The following LIPE variants were observed in gnomAD, a reference collection of about 807,000 sequenced individuals.
LIPE encodes the protein lipase E, hormone sensitive type.
A neutral mutation model predicts 88.5 loss-of-function variants in LIPE; 66 were observed. The observed-to-expected ratio is 0.75, with a 90% CI of 0.61 to 0.91. LIPE has a LOEUF of 0.91. Ranked by LOEUF, LIPE falls within the 40% of genes least tolerant of loss-of-function variation. The pLI is 0.00. For synonymous variants in LIPE, 570 were observed against 617.5 expected, an observed-to-expected ratio of 0.92 and a Z score of 1.14; for missense variants, 1,346 against 1,434.7, an observed-to-expected ratio of 0.94 and a Z score of 1.00.
intron 1 of LIPE, chr19:42,423,605 G>A (rs1171213187): frequency 8.3e-7 from 1 of 1,202,446 alleles, no homozygotes; most frequent in Non-Finnish European, 1.1e-6. Flanking sequence ...GCCAATCCTC[G>A]CTACACACTA....
At chr19:42,424,673 GGACCAGGGCCTCACA>G in intron 1 of LIPE, 1 of 456,006 alleles carries the variant, frequency 2.2e-6, no homozygotes, top group South Asian at 1.5e-5. Flanking sequence ...CCTGCCCTCT[GGACCAGGGCCTCACA>G]GATACCCTCA....
Position 42,405,570 on chromosome 19 carries a change from T to A in LIPE, c.2366-9A>T. 7 of 1,605,854 alleles carry A rather than the reference T, an allele frequency of 4.4e-6. No homozygotes were observed. Among genetic ancestry groups the A allele is most frequent in the Non-Finnish European group, 6.0e-6 (7 of 1,173,842 alleles). On this transcript the variant is annotated splice_polypyrimidine_tract_variant and intron_variant, in intron 7 of 9. Coordinates refer to ENST00000244289, the MANE Select transcript of LIPE (RefSeq NM_005357.4). ...GTCCTCCGTCTTTGCACCTGCAGAATATATGTGGGTAGCTGAGTTGTTTTC... is the reference window on the plus strand; with the variant it reads ...GTCCTCCGTCTTTGCACCTGCAGAAAATATGTGGGTAGCTGAGTTGTTTTC...
At chr19:42,423,617 T>C (rs949976515) in intron 1 of LIPE, 15 of 1,189,234 alleles carry the variant, frequency 1.3e-5, no homozygotes, top group African/African-American at 1.6e-5. Flanking sequence ...TACACACTAC[T>C]GTCGGGCCCC....
intron 1 of LIPE, among the ~76,000 whole-genome samples, chr19:42,425,355 C>T (rs2040688712): frequency 6.6e-6 from 1 of 152,168 alleles, no homozygotes; most frequent in South Asian, 2.1e-4. Context: ...AGTGCCTTCC[C>T]ACTCTGGGAT....
Position 42,410,929 on chromosome 19 carries a change from ACTC to A in LIPE, c.884-90_884-88del, listed in dbSNP as rs1463006320. 3.1e-6 allele frequency: 4 copies of A among 1,285,120 alleles called. No individual in the cohort carries two copies. Among genetic ancestry groups the A allele is most frequent in the Non-Finnish European group, 4.2e-6 (4 of 945,168 alleles). 79.6% of individuals were successfully genotyped at this position (1,285,120 alleles called of 1,614,324 possible). ...CAGGAGTCTGGGCCATAGCTTACCC[ACTC>A]CTCCTTCAAACCTCAGTGCTGTCTT... On this transcript the variant is annotated intron_variant, in intron 1 of 9. Transcript: ENST00000244289. The surrounding 1 kb of genome is among the most constrained non-coding windows in gnomAD (Gnocchi z 6.1).
At position 42,402,765 on chromosome 19, in the gene LIPE, C is replaced by T. The variant is rs1319569762; in HGVS notation, c.2809G>A (p.Val937Ile). The T allele has an allele frequency of 2.5e-6, 4 of 1,589,110 alleles. No homozygotes were observed. The highest frequency in any genetic ancestry group is 2.3e-5 in the East Asian group (1 of 44,328). ...AAACCCTCGGGGAAGGCGGCACGGA[C>T]GCCCAGGCCTCTGTCCATGGGGCTC... ...ELSPMDRGLG[V>I]RAAFPEGFHP... Residue 937 changes from valine (V) to isoleucine (I), a missense_variant, in exon 9 of 10, where the codon GTC becomes ATC. Coordinates refer to ENST00000244289, the MANE Select transcript of LIPE (RefSeq NM_005357.4).
At chr19:42,423,819 G>C (rs1223201756) in intron 1 of LIPE, 8 of 1,118,964 alleles carry the variant, frequency 7.1e-6, no homozygotes, top group Admixed American at 4.9e-5. Flanking sequence ...CTTCGGGCAG[G>C]ACTAGTGCGG....
chr19:42,415,766 C>T (rs536557749), intron 1 of LIPE, among the ~76,000 whole-genome samples: 87 of 149,992 alleles, frequency 5.8e-4, no homozygotes, highest in African/African-American at 2.0e-3. Context: ...GCCGAGATCG[C>T]GCCACTGCAC....
chr19:42,410,357 A>G lies in LIPE; in HGVS notation c.1369T>C (p.Tyr457His), dbSNP rs2040334831. Reference sequence around the variant, plus strand: ...AAGCATCCCTTATGCAGCGTGACATACTCCCGGAGGAAGTCGGCGGTGAGC... The same window carrying G: ...AAGCATCCCTTATGCAGCGTGACATGCTCCCGGAGGAAGTCGGCGGTGAGC... ...EGLTADFLRE[Y>H]VTLHKGCFYG... The change falls in exon 2 of 10, where the codon TAT (tyrosine) becomes CAT (histidine). Residue 457 changes from tyrosine to histidine, a missense_variant. Coordinates refer to ENST00000244289, the MANE Select transcript of LIPE (RefSeq NM_005357.4). This position sits in a 1 kb window ranked among gnomAD's most constrained non-coding sequence, Gnocchi z 6.1. The G allele has an allele frequency of 6.2e-7, 1 of 1,613,188 alleles. No homozygotes were observed. Among genetic ancestry groups the G allele is most frequent in the South Asian group, 1.1e-5 (1 of 90,950 alleles).
At chr19:42,422,352 G>A (rs918062242) in intron 1 of LIPE, among the ~76,000 whole-genome samples, 2 of 152,194 alleles carry the variant, frequency 1.3e-5, no homozygotes, top group African/African-American at 4.8e-5. Flanking sequence ...CCGGATCTCC[G>A]ACGCCCACGT....
Position 42,407,588 on chromosome 19 carries a change from C to G in LIPE, c.1842+18G>C, listed in dbSNP as rs762684755. ...TCCTCGGCTCTGTCCCTGTCCCTGG[C>G]TGAGGCTGGAACCCTACCTGTCCTT... On this transcript the variant is annotated intron_variant, in intron 5 of 9. Coordinates refer to ENST00000244289, the MANE Select transcript of LIPE (RefSeq NM_005357.4). This position sits in a 1 kb window ranked among gnomAD's most constrained non-coding sequence, Gnocchi z 5.8. 25 of 1,595,424 alleles carry G rather than the reference C, an allele frequency of 1.6e-5. No individual in the cohort carries two copies. The highest frequency in any genetic ancestry group is 2.1e-5 in the Non-Finnish European group (25 of 1,169,654).
In LIPE at chr19:42,407,495, T is replaced by C. The variant is rs377076814; in HGVS notation, c.1843-27A>G. ...TGGGGGTGAGGAGGGAGACGGTGTG[T>C]GAGGTTGGGGAGAGCTGGCCAGGGC... On this transcript the variant is annotated intron_variant, in intron 5 of 9. Coordinates refer to ENST00000244289, the MANE Select transcript of LIPE (RefSeq NM_005357.4). The surrounding 1 kb of genome is among the most constrained non-coding windows in gnomAD (Gnocchi z 5.8). 22 of 1,598,102 alleles carry C rather than the reference T, an allele frequency of 1.4e-5. No individual in the cohort carries two copies. In the African/African-American group the frequency reaches 1.9e-4, roughly 14 times the overall value.
chr19:42,415,592 C>T (rs1055190150), intron 1 of LIPE, among the ~76,000 whole-genome samples: 7 of 152,278 alleles, frequency 4.6e-5, no homozygotes, highest in East Asian at 1.9e-4. Flanking sequence ...GGGCGGATCA[C>T]GAAGTCAGGA....
intron 1 of LIPE, among the ~76,000 whole-genome samples, chr19:42,417,954 G>A (rs1017668359): frequency 4.0e-5 from 6 of 151,374 alleles, no homozygotes; most frequent in African/African-American, 1.5e-4. Context: ...GGCTGATAGA[G>A]CACCAGCAGG....
Position 42,408,272 on chromosome 19 carries a change from C to T in LIPE, c.1470G>A (p.Val490=). 6.2e-7 allele frequency: 1 copy of T among 1,614,096 alleles called. No individual in the cohort carries two copies. Among genetic ancestry groups the T allele is most frequent in the East Asian group, 2.2e-5 (1 of 44,866 alleles). ...TGCGTTTGTAGTGCTCCCCGAAGGA[C>T]ACCAGCCCAATGGAGATGGTCTGCA... ...PFLQTISIGL[V]SFGEHYKRNE... Residue 490 remains valine, a synonymous_variant, in exon 3 of 10, where the codon GTG becomes GTA. Transcript: ENST00000244289. The surrounding 1 kb of genome is among the most constrained non-coding windows in gnomAD (Gnocchi z 4.3).
At position 42,402,694 on chromosome 19, in the gene LIPE, G is replaced by A. The variant is rs140658352; in HGVS notation, c.2880C>T (p.Tyr960=). The A allele has an allele frequency of 1.2e-3, 1,884 of 1,531,518 alleles. 2 individuals carry two copies. Among genetic ancestry groups the A allele is most frequent in the Non-Finnish European group, 1.5e-3 (1,749 of 1,136,054 alleles). The allele number at this position is 1,531,518 out of a possible 1,614,324, so 94.9% of individuals were successfully genotyped here. Residue 960 remains tyrosine, a synonymous_variant, in exon 9 of 10, where the codon TAC becomes TAT. Transcript: ENST00000244289. The part of the protein sequence containing the change: ...SSQGATQMPL[Y]SSPIVKNPFM... ...AGGGGTTCTTGACTATGGGTGAGGAGTAGAGGGGCATCTGTGTGGCACCCT... is the reference window on the plus strand; with the variant it reads ...AGGGGTTCTTGACTATGGGTGAGGAATAGAGGGGCATCTGTGTGGCACCCT...
chr19:42,408,006 G>A lies in LIPE; in HGVS notation c.1626C>T (p.Phe542=), dbSNP rs113931918. 8.0e-4 allele frequency: 1,290 copies of A among 1,613,640 alleles called. 16 individuals carry two copies. In the African/African-American group the frequency reaches 0.015, roughly 19 times the overall value. Residue 542 remains phenylalanine, a synonymous_variant, in exon 4 of 10, where the codon TTC becomes TTT. Transcript: ENST00000244289. The surrounding 1 kb of genome is among the most constrained non-coding windows in gnomAD (Gnocchi z 4.3). The part of the protein sequence containing the change: ...QNLDVHFWKA[F]WNITEMEVLS... ...GCACTTCCATCTCGGTGATGTTCCAGAAGGCTTTCCAGAAGTGCACGTCCA... is the reference window on the plus strand; with the variant it reads ...GCACTTCCATCTCGGTGATGTTCCAAAAGGCTTTCCAGAAGTGCACGTCCA...
At chr19:42,404,074 T>C (rs1213036540) in intron 8 of LIPE, among the ~76,000 whole-genome samples, 2 of 151,326 alleles carry the variant, frequency 1.3e-5, no homozygotes, top group Non-Finnish European at 3.0e-5. Context: ...ACTTTTTTTT[T>C]TTTTTTTTGA....
At chr19:42,419,638 C>T (rs1249570746) in intron 1 of LIPE, among the ~76,000 whole-genome samples, 1 of 144,740 alleles carries the variant, frequency 6.9e-6, no homozygotes, top group Admixed American at 7.5e-5. Flanking sequence ...AGTTTCTGGA[C>T]AGCTGAATCC....
Sources: allele counts gnomAD v4.1 joint callset (sites outside exome capture counted in the v4.1 genomes callset), GRCh38; gene constraint gnomAD v4.1.1; non-coding constraint Gnocchi (gnomAD v3.1); transcripts MANE v1.5; gene names NCBI Gene and HGNC (gene_info 2026-07-23, HGNC 2026-07-21).